MEGF9: variants seen among roughly 807,000 people sequenced by gnomAD.
The protein encoded by MEGF9 is multiple epidermal growth factor-like domains protein 9.
Under a neutral mutation model 46.8 loss-of-function variants are expected in MEGF9, and 6 were observed. The observed-to-expected ratio is 0.13, with a 90% CI of 0.07 to 0.25. MEGF9 has a LOEUF of 0.25. Ranked by LOEUF, MEGF9 falls within the 10% of genes least tolerant of loss-of-function variation. The pLI, the probability that MEGF9 is intolerant of heterozygous loss-of-function variation, is 1.00. For synonymous variants in MEGF9, 302 were observed against 330.7 expected (o/e 0.91, Z 0.94); for missense variants, 683 against 792.4 (o/e 0.86, Z 1.66).
intron 2 of MEGF9, among the ~76,000 whole-genome samples, chr9:120,651,458 T>G (rs1298247343): frequency 2.0e-5 from 3 of 152,154 alleles, no homozygotes; most frequent in African/African-American, 4.8e-5. Flanking sequence ...TGCAGCAAAT[T>G]AGGCAAATTA....
chr9:120,696,161 C>A (rs958739510), intron 1 of MEGF9, among the ~76,000 whole-genome samples: 7 of 152,204 alleles, frequency 4.6e-5, no homozygotes. Flanking sequence ...AATTTGGTAC[C>A]TCTGGAGATT....
intron 1 of MEGF9, among the ~76,000 whole-genome samples, chr9:120,701,635 TAATC>T (rs904962988): frequency 1.3e-5 from 2 of 152,122 alleles, no homozygotes; most frequent in African/African-American, 4.8e-5. Context: ...AAAGAAGAAA[TAATC>T]AAATATATTG....
intron 1 of MEGF9, among the ~76,000 whole-genome samples, chr9:120,708,709 C>T (rs556868777): frequency 5.3e-5 from 8 of 152,220 alleles, no homozygotes; most frequent in Non-Finnish European, 1.2e-4. Flanking sequence ...TCCGTAGACT[C>T]TGTCTATAGG....
At chr9:120,701,044 G>A (rs1039973250) in intron 1 of MEGF9, among the ~76,000 whole-genome samples, 6 of 151,558 alleles carry the variant, frequency 4.0e-5, no homozygotes, top group East Asian at 1.9e-4. Context: ...ATTTGAACCC[G>A]GGAGGTCAAG....
intron 4 of MEGF9, among the ~76,000 whole-genome samples, chr9:120,611,020 G>A (rs1211217135): frequency 6.6e-6 from 1 of 152,156 alleles, no homozygotes; most frequent in Non-Finnish European, 1.5e-5. Flanking sequence ...TCAGGAACAT[G>A]CAACTTAAAA....
chr9:120,683,459 T>C (rs894572459), intron 1 of MEGF9, among the ~76,000 whole-genome samples: 2 of 152,180 alleles, frequency 1.3e-5, no homozygotes, highest in Non-Finnish European at 2.9e-5. Context: ...CTAGTGATAG[T>C]GAGTGAGTTC....
chr9:120,657,541 T>C (rs918537608), intron 2 of MEGF9, among the ~76,000 whole-genome samples: 2 of 152,200 alleles, frequency 1.3e-5, no homozygotes, highest in Non-Finnish European at 2.9e-5. Context: ...TCTCCACAAA[T>C]ATGTTTGCAG....
intron 2 of MEGF9, among the ~76,000 whole-genome samples, chr9:120,658,046 G>A (rs1007006344): frequency 2.6e-5 from 4 of 151,154 alleles, no homozygotes; most frequent in Non-Finnish European, 5.9e-5. Context: ...GTGCAGTGGC[G>A]CGATCTCAGC....
At chr9:120,700,958 G>C (rs2043901989) in intron 1 of MEGF9, among the ~76,000 whole-genome samples, 1 of 150,556 alleles carries the variant, frequency 6.6e-6, no homozygotes, top group Non-Finnish European at 1.5e-5. Flanking sequence ...TAAAAAATTA[G>C]TTTAAAAAAA....
chr9:120,610,326 T>C (rs1014655675), intron 4 of MEGF9, among the ~76,000 whole-genome samples: 8 of 152,194 alleles, frequency 5.3e-5, no homozygotes, highest in Non-Finnish European at 1.0e-4. Context: ...CCTGATGAAA[T>C]AGACTGAAGG....
chr9:120,636,803 C>T (rs1042878111), intron 2 of MEGF9, among the ~76,000 whole-genome samples: 1 of 151,872 alleles, frequency 6.6e-6, no homozygotes, highest in Admixed American at 6.6e-5. Flanking sequence ...GCAGCCGCCC[C>T]GTCTGGGAGG....
chr9:120,690,980 AT>A (rs2043845543), intron 1 of MEGF9, among the ~76,000 whole-genome samples: 1 of 152,196 alleles, frequency 6.6e-6, no homozygotes, highest in African/African-American at 2.4e-5. Flanking sequence ...CCAATGACAC[AT>A]TTTAGCACAA....
intron 2 of MEGF9, among the ~76,000 whole-genome samples, chr9:120,648,334 T>C (rs1451437089): frequency 1.3e-5 from 2 of 151,642 alleles, no homozygotes; most frequent in South Asian, 2.1e-4. Context: ...GTTCTAGGTG[T>C]CAGAAATATA....
chr9:120,635,779 A>C (rs925424027), intron 2 of MEGF9, among the ~76,000 whole-genome samples: 1 of 152,160 alleles, frequency 6.6e-6, no homozygotes, highest in Non-Finnish European at 1.5e-5. Flanking sequence ...TTCTTAAAAA[A>C]TCATAATTTT....
At chr9:120,681,463 C>A (rs1368713844) in intron 1 of MEGF9, among the ~76,000 whole-genome samples, 1 of 152,062 alleles carries the variant, frequency 6.6e-6, no homozygotes, top group Non-Finnish European at 1.5e-5. Context: ...GAAGGAGTCA[C>A]TTTTGTTGCT....
At chr9:120,701,134 A>G (rs1393812947) in intron 1 of MEGF9, among the ~76,000 whole-genome samples, 1 of 151,752 alleles carries the variant, frequency 6.6e-6, no homozygotes, top group East Asian at 1.9e-4. Flanking sequence ...AAAGAAAAAA[A>G]AAAAACAATT....
rs16909942 is a variant in MEGF9 at position 120,605,106 on chromosome 9, C to T, written c.*84G>A. On this transcript the variant is annotated 3_prime_UTR_variant, in exon 6 of 6. Coordinates refer to ENST00000373930, the MANE Select transcript of MEGF9 (RefSeq NM_001080497.3). This position sits in a 1 kb window ranked among gnomAD's most constrained non-coding sequence, Gnocchi z 4.0. ...TATTTGCCTTTGCTTTCTCAGCAAACTCTAGCCAGGCTTTGTCTGGCCCAG... is the reference window on the plus strand; with the variant it reads ...TATTTGCCTTTGCTTTCTCAGCAAATTCTAGCCAGGCTTTGTCTGGCCCAG... 5,142 of 1,408,038 alleles carry T rather than the reference C, an allele frequency of 3.7e-3. 173 individuals carry two copies. In the African/African-American group the frequency reaches 0.066, roughly 18 times the overall value. 87.2% of individuals were successfully genotyped at this position (1,408,038 alleles called of 1,614,324 possible).
intron 2 of MEGF9, among the ~76,000 whole-genome samples, chr9:120,650,831 T>C (rs2043646353): frequency 6.6e-6 from 1 of 152,064 alleles, no homozygotes; most frequent in Admixed American, 6.5e-5. Context: ...TTTTTTTTTT[T>C]CTCCTGATAG....
At chr9:120,664,280 C>T (rs1365767124) in intron 1 of MEGF9, among the ~76,000 whole-genome samples, 1 of 152,066 alleles carries the variant, frequency 6.6e-6, no homozygotes, top group Non-Finnish European at 1.5e-5. Flanking sequence ...TGGTATTCAG[C>T]TTGTTTGCAT....
Sources: gnomAD v4.1 joint callset for allele counts (sites outside exome capture counted in the v4.1 genomes callset) on GRCh38, gnomAD v4.1.1 for gene constraint, Gnocchi (gnomAD v3.1) non-coding constraint, MANE v1.5 for transcripts, NCBI Gene and HGNC (gene_info 2026-07-23, HGNC 2026-07-21) for gene names.